The following LRRC7 variants were observed in gnomAD, a reference collection of about 807,000 sequenced individuals.
LRRC7 encodes leucine-rich repeat-containing protein 7.
In LRRC7, 23 loss-of-function variants were observed where a neutral mutation model predicts 175.7. That is an observed-to-expected ratio of 0.13 (90% CI 0.09 to 0.19). LRRC7 has a LOEUF of 0.19. Ranked by LOEUF, LRRC7 falls within the 10% of genes least tolerant of loss-of-function variation. The probability of loss-of-function intolerance (pLI) is 1.00; values close to 1 mark genes in which losing one functional copy is unlikely to be tolerated. For missense variants in LRRC7, 1,354 were observed against 1,904.7 expected (o/e 0.71, Z 5.38); for synonymous variants, 685 against 680.9 (o/e 1.01, Z -0.09).
At chr1:69,599,872 A>G (rs12066576) in intron 1 of LRRC7, among the ~76,000 whole-genome samples, 11,084 of 152,232 alleles carry the variant, frequency 0.073, 648 homozygotes, top group African/African-American at 0.16. Context: ...GTTTAAACCC[A>G]GTTCTGAGAC....
At chr1:70,091,619 G>A (rs981846560) in intron 25 of LRRC7, among the ~76,000 whole-genome samples, 1 of 152,138 alleles carries the variant, frequency 6.6e-6, no homozygotes, top group African/African-American at 2.4e-5. Context: ...AAAGAGACTA[G>A]ATCTCAGGCT....
At chr1:69,898,630 A>C (rs6681560) in intron 7 of LRRC7, among the ~76,000 whole-genome samples, 21,966 of 151,498 alleles carry the variant, frequency 0.14, 2,316 homozygotes, top group African/African-American at 0.3. Context: ...CTGCTACTGC[A>C]TCATCAGCTT....
intron 1 of LRRC7, among the ~76,000 whole-genome samples, chr1:69,660,970 C>T (rs1019218257): frequency 2.0e-5 from 3 of 151,788 alleles, no homozygotes; most frequent in Non-Finnish European, 4.4e-5. Flanking sequence ...AATATATTTA[C>T]ATTAATATAA....
At chr1:69,923,115 A>G (rs1464950363) in intron 7 of LRRC7, among the ~76,000 whole-genome samples, 4 of 151,954 alleles carry the variant, frequency 2.6e-5, no homozygotes, top group African/African-American at 9.7e-5. Context: ...ATGATTTCCA[A>G]TTTCATCCAT....
intron 2 of LRRC7, among the ~76,000 whole-genome samples, chr1:69,757,947 C>T (rs1670615995): frequency 6.6e-6 from 1 of 151,854 alleles, no homozygotes; most frequent in Non-Finnish European, 1.5e-5. Context: ...CTCATTTAAT[C>T]TATCATCAAA....
intron 7 of LRRC7, among the ~76,000 whole-genome samples, chr1:69,866,812 G>C (rs914912406): frequency 2.6e-5 from 4 of 152,154 alleles, no homozygotes; most frequent in Non-Finnish European, 5.9e-5. Flanking sequence ...AGTTAGAAAT[G>C]ATGAATGTGT....
chr1:69,570,758 G>A (rs1645709225), intron 1 of LRRC7, among the ~76,000 whole-genome samples: 1 of 152,072 alleles, frequency 6.6e-6, no homozygotes, highest in Non-Finnish European at 1.5e-5. Context: ...TTGCACAGGG[G>A]GAAAAATGAG....
intron 7 of LRRC7, among the ~76,000 whole-genome samples, chr1:69,901,181 C>G (rs1407245859): frequency 1.3e-5 from 2 of 152,070 alleles, no homozygotes; most frequent in Non-Finnish European, 2.9e-5. Flanking sequence ...GAGGCTGTTA[C>G]AAATGCCTGG....
chr1:69,743,148 A>G lies in LRRC7; in HGVS notation c.101-17043A>G, dbSNP rs143114974. Among the ~76,000 whole-genome samples the G allele has an allele frequency of 3.5e-3, 529 of 152,140 alleles. 3 individuals are homozygous for G. The highest frequency in any genetic ancestry group is 0.017 in the Middle Eastern group (5 of 294). On this transcript the variant is annotated intron_variant, in intron 2 of 26. Transcript: ENST00000651989. The stretch of plus-strand genomic sequence containing the variant: ...AATTACCAGCTGGCTAGGAATGGCT[A>G]TTTTCAAAACAAAGAATTCTAGAAT...
chr1:69,777,847 C>T (rs184172949), intron 3 of LRRC7, among the ~76,000 whole-genome samples: 25 of 152,232 alleles, frequency 1.6e-4, no homozygotes, highest in East Asian at 7.8e-4. Context: ...CCAGCCTTTT[C>T]CCCCATTCTA....
At chr1:69,650,554 A>AAAAAAAAAAAAAAAAAAAAAAC (rs3980952) in intron 1 of LRRC7, among the ~76,000 whole-genome samples, 1 of 151,068 alleles carries the variant, frequency 6.6e-6, no homozygotes, top group Non-Finnish European at 1.5e-5. Flanking sequence ...AAAAAAAAAA[A>AAAAAAAAAAAAAAAAAAAAAAC]TGCCAAGCAT....
At chr1:70,032,672 A>G (rs1483012266) in intron 18 of LRRC7, among the ~76,000 whole-genome samples, 2 of 152,070 alleles carry the variant, frequency 1.3e-5, no homozygotes, top group Non-Finnish European at 2.9e-5. Context: ...GTAACAGAGA[A>G]TTGTCCATTA....
chr1:69,713,073 A>T (rs1664955586), intron 2 of LRRC7, among the ~76,000 whole-genome samples: 1 of 152,218 alleles, frequency 6.6e-6, no homozygotes, highest in African/African-American at 2.4e-5. Flanking sequence ...TTTATTTTTA[A>T]GATATCACTT....
intron 11 of LRRC7, among the ~76,000 whole-genome samples, chr1:70,003,475 G>A (rs901809468): frequency 1.1e-4 from 17 of 152,094 alleles, no homozygotes; most frequent in African/African-American, 3.9e-4. Flanking sequence ...TCAAGTCAAA[G>A]AACTTAGAGC....
intron 2 of LRRC7, among the ~76,000 whole-genome samples, chr1:69,730,804 T>C (rs1208616424): frequency 1.3e-5 from 2 of 152,176 alleles, no homozygotes; most frequent in Non-Finnish European, 2.9e-5. Context: ...CAATTTACTG[T>C]ATTAGTCTGT....
chr1:70,089,900 A>G (rs773632346), intron 25 of LRRC7, 81 bp downstream of exon 25: 46 of 1,079,676 alleles, frequency 4.3e-5, no homozygotes, highest in Middle Eastern at 2.2e-4. Flanking sequence ...AAAAAATTCA[A>G]GTGTTTTTGT....
Position 70,114,804 on chromosome 1 carries a change from G to A in LRRC7, c.4621-6976G>A, listed in dbSNP as rs546092715. Among the ~76,000 whole-genome samples the A allele has an allele frequency of 9.2e-5, 14 of 152,230 alleles. No homozygotes were observed. In the East Asian group the frequency reaches 2.3e-3, roughly 25 times the overall value. ...CACAGAAAACCAATAAAAATGTTGAGGAAATGCTTTTTGAAAATCAAAAAA... is the reference window on the plus strand; with the variant it reads ...CACAGAAAACCAATAAAAATGTTGAAGAAATGCTTTTTGAAAATCAAAAAA... On this transcript the variant is annotated intron_variant, in intron 26 of 26. Transcript: ENST00000651989.
intron 3 of LRRC7, among the ~76,000 whole-genome samples, chr1:69,771,138 A>G (rs138652075): frequency 4.6e-5 from 7 of 152,298 alleles, no homozygotes; most frequent in Non-Finnish European, 7.4e-5. Context: ...TTCCTAAAGC[A>G]TCTTTTTTTC....
intron 1 of LRRC7, among the ~76,000 whole-genome samples, chr1:69,600,019 C>T (rs184300393): frequency 6.6e-6 from 1 of 152,260 alleles, no homozygotes; most frequent in East Asian, 1.9e-4. Context: ...TAGACTAAGT[C>T]TAGAGCCACT....
Sources: allele counts gnomAD v4.1 joint callset (sites outside exome capture counted in the v4.1 genomes callset), GRCh38; gene constraint gnomAD v4.1.1; transcripts MANE v1.5; gene names NCBI Gene and HGNC (gene_info 2026-07-23, HGNC 2026-07-21).